Variants in GRM4 observed in about 807,000 individuals in gnomAD.
GRM4 encodes metabotropic glutamate receptor 4.
GRM4 carries 28 observed loss-of-function variants against 81.7 expected under a neutral mutation model. That is an observed-to-expected ratio of 0.34 (90% CI 0.25 to 0.47). The LOEUF (loss-of-function observed/expected upper bound fraction) is 0.47, where lower values mean the gene tolerates loss of function less well. Ranked by LOEUF, GRM4 falls within the 20% of genes least tolerant of loss-of-function variation. The probability of loss-of-function intolerance (pLI) is 1.00; values close to 1 mark genes in which losing one functional copy is unlikely to be tolerated. For synonymous variants in GRM4, 488 were observed against 528.8 expected, an observed-to-expected ratio of 0.92 and a Z score of 1.06; for missense variants, 948 against 1,290.0, an observed-to-expected ratio of 0.73 and a Z score of 4.06.
chr6:34,075,831 A>C (rs1441333729), intron 3 of GRM4, among the ~76,000 whole-genome samples: 1 of 152,222 alleles, frequency 6.6e-6, no homozygotes, highest in Non-Finnish European at 1.5e-5. Context: ...CTTCAAGGGC[A>C]GACTGTGTCT....
At chr6:34,135,075 T>G (rs1413702999) in intron 1 of GRM4, among the ~76,000 whole-genome samples, 4 of 152,230 alleles carry the variant, frequency 2.6e-5, no homozygotes, top group African/African-American at 7.2e-5. Flanking sequence ...AAGCCACTTG[T>G]CCATTCTGTG....
rs1345196972 is a variant in GRM4 at position 34,064,509 on chromosome 6, C to G, written c.737-2481G>C. Reference sequence around the variant, plus strand: ...GTGGAGTTGAGGGGGCTTGTGGGCCCATGGGCATGATGGGGCATGGTGCCC... The same window carrying G: ...GTGGAGTTGAGGGGGCTTGTGGGCCGATGGGCATGATGGGGCATGGTGCCC... On this transcript the variant is annotated intron_variant, in intron 3 of 10. Coordinates refer to ENST00000538487, the MANE Select transcript of GRM4 (RefSeq NM_000841.4). The surrounding 1 kb of genome is among the most constrained non-coding windows in gnomAD (Gnocchi z 4.4). Among the ~76,000 whole-genome samples the G allele has an allele frequency of 6.6e-6, 1 of 152,200 alleles. No homozygotes were observed. Among genetic ancestry groups the G allele is most frequent in the African/African-American group, 2.4e-5 (1 of 41,458 alleles).
At chr6:34,066,589 C>T (rs1452936599) in intron 3 of GRM4, among the ~76,000 whole-genome samples, 2 of 152,026 alleles carry the variant, frequency 1.3e-5, no homozygotes, top group Non-Finnish European at 2.9e-5. Flanking sequence ...AGAACACTGC[C>T]TGGCCCATAG....
At chr6:34,025,415 A>G (rs1283689267) in intron 10 of GRM4, among the ~76,000 whole-genome samples, 1 of 152,020 alleles carries the variant, frequency 6.6e-6, no homozygotes, top group East Asian at 1.9e-4. Context: ...CCACAACAAA[A>G]TCTCCACTGA....
chr6:34,133,118 T>C lies in GRM4; in HGVS notation c.379A>G (p.Ile127Val). Reference protein sequence around the residue: ...EQSLTFVQALIEKDGTEVRCG... With the variant: ...EQSLTFVQALVEKDGTEVRCG... Reference sequence around the variant, plus strand: ...CGGACCTCTGTGCCATCCTTCTCGATGAGCGCCTGCACAAAGGTCAGCGAC... The same window carrying C: ...CGGACCTCTGTGCCATCCTTCTCGACGAGCGCCTGCACAAAGGTCAGCGAC... The change falls in exon 2 of 11, where the codon ATC becomes GTC. Residue 127 changes from isoleucine to valine, a missense_variant. Transcript: ENST00000538487. This position sits in a 1 kb window ranked among gnomAD's most constrained non-coding sequence, Gnocchi z 6.5. 1 of 1,614,070 alleles carries C rather than the reference T, an allele frequency of 6.2e-7. No individual in the cohort carries two copies. The highest frequency in any genetic ancestry group is 8.5e-7 in the Non-Finnish European group (1 of 1,179,946).
At chr6:34,118,950 T>G (rs1769699394) in intron 2 of GRM4, among the ~76,000 whole-genome samples, 1 of 152,236 alleles carries the variant, frequency 6.6e-6, no homozygotes, top group African/African-American at 2.4e-5. Flanking sequence ...ATGTTCATGG[T>G]TGAATCAGGT....
rs768058547 is a variant in GRM4, at chr6:34,040,231, C to T, written c.1453G>A (p.Asp485Asn). 2.8e-5 allele frequency: 45 copies of T among 1,614,124 alleles called. No individual in the cohort carries two copies. The highest frequency in any genetic ancestry group is 4.0e-5 in the African/African-American group (3 of 75,072). Residue 485 changes from aspartate (D) to asparagine (N), a missense_variant, in exon 8 of 11, where the codon GAT becomes AAT. Physicochemically the swap from Asp to Asn is conservative, Grantham distance 23. Transcript: ENST00000538487. The stretch of plus-strand genomic sequence containing the variant: ...CCAATGACCTTGTACTCGGCAGAAT[C>T]GTTGCGCAGCTGGTATTGGTAGATG... ...YDIYQYQLRNDSAEYKVIGSW... is the reference protein window; with the variant it reads ...YDIYQYQLRNNSAEYKVIGSW...
chr6:34,043,803 C>A lies in GRM4; in HGVS notation c.1169-3055G>T, dbSNP rs80110761. Among the ~76,000 whole-genome samples, 888 of 152,284 alleles carry A rather than the reference C, an allele frequency of 5.8e-3. 11 individuals are homozygous for A. The highest frequency in any genetic ancestry group is 0.02 in the African/African-American group (843 of 41,548). ...CGCAGGAGCCCCCTCACCAGGGTAACCTGCCTCCACCCAGGGCAGCTCTGG... is the reference window on the plus strand; with the variant it reads ...CGCAGGAGCCCCCTCACCAGGGTAAACTGCCTCCACCCAGGGCAGCTCTGG... On this transcript the variant is annotated intron_variant, in intron 6 of 10. Coordinates refer to ENST00000538487, the MANE Select transcript of GRM4 (RefSeq NM_000841.4).
At chr6:34,146,559 T>C (rs1159773576), upstream of GRM4, among the ~76,000 whole-genome samples, 4 of 152,134 alleles carry the variant, frequency 2.6e-5, no homozygotes, top group East Asian at 1.9e-4. Flanking sequence ...CCTCTTAGGA[T>C]TGCAAGAGCA....
intron 1 of GRM4, among the ~76,000 whole-genome samples, chr6:34,142,172 C>T (rs565765214): frequency 9.8e-5 from 15 of 152,336 alleles, no homozygotes; most frequent in African/African-American, 3.4e-4. Flanking sequence ...CCAGTGCAAG[C>T]CCCTTAGGCC....
At chr6:34,155,004 A>ACGCCTCCCACAGTGCTGGG (rs1223465095) in intron 1 of GRM4, 2 of 1,232,904 alleles carry the variant, frequency 1.6e-6, no homozygotes, top group Non-Finnish European at 2.2e-6. Context: ...GGCCCAGTCT[A>ACGCCTCCCACAGTGCTGGG]CGCCTCCCAC....
At chr6:34,154,924 C>G (rs1231521039) in intron 1 of GRM4, among the ~76,000 whole-genome samples, 1 of 152,198 alleles carries the variant, frequency 6.6e-6, no homozygotes, top group Non-Finnish European at 1.5e-5. Flanking sequence ...GGGCCAGCAC[C>G]GCCGCCCGGT....
At chr6:34,091,099 C>T (rs1039947758) in intron 3 of GRM4, among the ~76,000 whole-genome samples, 62 of 152,200 alleles carry the variant, frequency 4.1e-4, no homozygotes, top group Admixed American at 3.1e-3. Flanking sequence ...CCCAAGATGC[C>T]CACAGCTGCA....
chr6:34,110,828 C>T (rs535143598), intron 2 of GRM4: 10 of 1,370,080 alleles, frequency 7.3e-6, no homozygotes, highest in South Asian at 5.4e-5. Flanking sequence ...TGGCAGCTCT[C>T]CTCTGCCCAG....
At chr6:34,087,843 T>TACACACACACACACACAC (rs1767994030) in intron 3 of GRM4, among the ~76,000 whole-genome samples, 1 of 22,334 alleles carries the variant, frequency 4.5e-5, no homozygotes, top group Non-Finnish European at 1.1e-4. Flanking sequence ...CACACACACG[T>TACACACACACACACACAC]CCTGGCCTAG....
At chr6:34,096,493 A>C (rs60033731) in intron 2 of GRM4, among the ~76,000 whole-genome samples, 2,269 of 152,310 alleles carry the variant, frequency 0.015, 38 homozygotes, top group African/African-American at 0.042. Context: ...CCTACTCATC[A>C]ATTCAACAGG....
intron 1 of GRM4, chr6:34,155,015 A>C: frequency 7.7e-7 from 1 of 1,302,338 alleles, no homozygotes; most frequent in Admixed American, 2.6e-5. Flanking sequence ...CGCCTCCCAC[A>C]GTGCTGGGCA....
intron 9 of GRM4, among the ~76,000 whole-genome samples, chr6:34,033,579 C>G (rs759771502): frequency 2.6e-5 from 4 of 152,186 alleles, no homozygotes; most frequent in South Asian, 2.1e-4. Context: ...CTCCACATGA[C>G]GAGCACCCCA....
chr6:34,030,645 C>A (rs772389074), intron 9 of GRM4, among the ~76,000 whole-genome samples: 1 of 152,204 alleles, frequency 6.6e-6, no homozygotes, highest in Non-Finnish European at 1.5e-5. Flanking sequence ...GGGGCCTGTG[C>A]CTAGCTCTCA....
Sources: gnomAD v4.1 joint callset for allele counts (sites outside exome capture counted in the v4.1 genomes callset) on GRCh38, gnomAD v4.1.1 for gene constraint, Gnocchi (gnomAD v3.1) non-coding constraint, MANE v1.5 for transcripts, NCBI Gene and HGNC (gene_info 2026-07-23, HGNC 2026-07-21) for gene names.